ZNF469: variants seen among roughly 807,000 people sequenced by gnomAD.
The protein encoded by ZNF469 is zinc finger protein 469.
Under a neutral mutation model 1.0 loss-of-function variants are expected in ZNF469, and 1 was observed. The observed-to-expected ratio is 1.00, with a 90% confidence interval of 0.35 to 4.73. The LOEUF (loss-of-function observed/expected upper bound fraction) is 4.73, where lower values mean the gene tolerates loss of function less well. ZNF469 is among the 30% of genes most tolerant of loss of function. The pLI, the probability that ZNF469 is intolerant of heterozygous loss-of-function variation, is 0.16. For missense variants in ZNF469, 6,100 were observed against 5,356.3 expected (o/e 1.14, Z -4.33); for synonymous variants, 2,703 against 2,363.4 (o/e 1.14, Z -4.17).
the ZNF469 span, among the ~76,000 whole-genome samples, chr16:88,254,427 G>C: frequency 6.6e-6 from 1 of 152,192 alleles, no homozygotes; most frequent in Non-Finnish European, 1.5e-5. Flanking sequence ...CTTAAAGTCA[G>C]ATAGTATAGC....
chr16:88,144,036 G>T, the ZNF469 span, among the ~76,000 whole-genome samples: 8 of 151,042 alleles, frequency 5.3e-5, no homozygotes, highest in Non-Finnish European at 8.8e-5. Context: ...ACGGCGCAGG[G>T]TCAGAGGCAG....
At chr16:88,124,795 G>A in the ZNF469 span, among the ~76,000 whole-genome samples, 1 of 152,098 alleles carries the variant, frequency 6.6e-6, no homozygotes, top group African/African-American at 2.4e-5. Flanking sequence ...TATTGGCCAG[G>A]TTGGTCTTGA....
At chr16:88,228,963 C>T in the ZNF469 span, among the ~76,000 whole-genome samples, 7 of 152,156 alleles carry the variant, frequency 4.6e-5, no homozygotes, top group African/African-American at 1.7e-4. Context: ...GCACAGCAGC[C>T]GGGCACCCAT....
intron 1 of ZNF469, among the ~76,000 whole-genome samples, chr16:88,406,695 G>C (rs561887040): frequency 6.6e-6 from 1 of 152,284 alleles, no homozygotes; most frequent in African/African-American, 2.4e-5. Context: ...GCATGTCTGC[G>C]GCCCCTGCCT....
chr16:88,300,320 C>G, the ZNF469 span, among the ~76,000 whole-genome samples: 1 of 152,166 alleles, frequency 6.6e-6, no homozygotes, highest in African/African-American at 2.4e-5. Context: ...AGTCGGGAGA[C>G]CCAAGTTTAA....
chr16:88,294,634 A>C, the ZNF469 span: 4 of 152,202 alleles, frequency 2.6e-5, no homozygotes, highest in Admixed American at 2.6e-4. Flanking sequence ...AGTATCCTTG[A>C]GTCCAAGCGC....
At chr16:88,357,986 GT>G in the ZNF469 span, among the ~76,000 whole-genome samples, 1 of 152,238 alleles carries the variant, frequency 6.6e-6, no homozygotes, top group Non-Finnish European at 1.5e-5. Flanking sequence ...ATGTCCACTT[GT>G]CCTGGGAAGA....
At chr16:88,353,296 G>A in the ZNF469 span, among the ~76,000 whole-genome samples, 49 of 152,052 alleles carry the variant, frequency 3.2e-4, 1 homozygote, top group Non-Finnish European at 1.6e-4. Context: ...ACGTGAGTCT[G>A]CCATGTCTTC....
chr16:88,138,679 C>G, the ZNF469 span, among the ~76,000 whole-genome samples: 1 of 152,206 alleles, frequency 6.6e-6, no homozygotes, highest in Non-Finnish European at 1.5e-5. Context: ...GCCATGTGAC[C>G]AAATTCACCT....
chr16:88,243,825 T>C, the ZNF469 span, among the ~76,000 whole-genome samples: 1 of 146,818 alleles, frequency 6.8e-6, no homozygotes, highest in Non-Finnish European at 1.5e-5. Context: ...GGTGGATGCA[T>C]TGATGGAAGG....
chr16:88,105,404 A>T, the ZNF469 span, among the ~76,000 whole-genome samples: 5 of 150,924 alleles, frequency 3.3e-5, no homozygotes, highest in Non-Finnish European at 7.4e-5. Context: ...TCCCAGGTTC[A>T]AGGGATTCTC....
At chr16:88,416,835 G>A (rs1905314353) in intron 1 of ZNF469, among the ~76,000 whole-genome samples, 1 of 152,042 alleles carries the variant, frequency 6.6e-6, no homozygotes, top group Non-Finnish European at 1.5e-5. Context: ...GAAGTGGCAC[G>A]CTCGCTCCCC....
the ZNF469 span, among the ~76,000 whole-genome samples, chr16:88,221,332 A>G: frequency 5.3e-5 from 8 of 152,180 alleles, no homozygotes; most frequent in African/African-American, 4.8e-5. Flanking sequence ...CGCAGAGGAA[A>G]TGCTTCCCCA....
the ZNF469 span, among the ~76,000 whole-genome samples, chr16:88,309,960 G>A: frequency 6.6e-6 from 1 of 152,224 alleles, no homozygotes; most frequent in South Asian, 2.1e-4. Flanking sequence ...AGGGTAGCCT[G>A]GCTTTGAAGA....
the ZNF469 span, among the ~76,000 whole-genome samples, chr16:88,330,038 A>G: frequency 1.3e-5 from 2 of 152,262 alleles, no homozygotes; most frequent in Admixed American, 6.5e-5. Flanking sequence ...GCCTGATGCC[A>G]TCCACATGAA....
chr16:88,331,228 C>CCACCAT, the ZNF469 span, among the ~76,000 whole-genome samples: 3 of 124,316 alleles, frequency 2.4e-5, no homozygotes, highest in African/African-American at 7.9e-5. Context: ...ACCACCACCA[C>CCACCAT]CATCACCACC....
At chr16:88,102,489 T>C in the ZNF469 span, among the ~76,000 whole-genome samples, 2 of 151,982 alleles carry the variant, frequency 1.3e-5, no homozygotes, top group Non-Finnish European at 2.9e-5. Flanking sequence ...GGGACAAGAG[T>C]GAGACTTCGT....
At chr16:88,411,044 T>A (rs993265206) in intron 1 of ZNF469, among the ~76,000 whole-genome samples, 1 of 152,194 alleles carries the variant, frequency 6.6e-6, no homozygotes, top group East Asian at 1.9e-4. Context: ...AGGACACCTG[T>A]CTTTGGATGT....
the ZNF469 span, among the ~76,000 whole-genome samples, chr16:88,357,876 C>T: frequency 2.0e-5 from 3 of 152,014 alleles, no homozygotes; most frequent in Admixed American, 1.3e-4. Context: ...GAGCCGGTGG[C>T]AGGGCCTGTT....
Sources: gnomAD v4.1 joint callset for allele counts (sites outside exome capture counted in the v4.1 genomes callset) on GRCh38, gnomAD v4.1.1 for gene constraint, MANE v1.5 for transcripts, NCBI Gene and HGNC (gene_info 2026-07-23, HGNC 2026-07-21) for gene names.